The following HDAC1 variants were observed in gnomAD, a reference collection of about 807,000 sequenced individuals.
The protein encoded by HDAC1 is histone deacetylase 1.
A neutral mutation model predicts 65.5 loss-of-function variants in HDAC1; 18 were observed. The ratio of observed to expected loss-of-function variants is 0.27; its 90% confidence interval spans 0.19 to 0.41. The LOEUF (loss-of-function observed/expected upper bound fraction) is 0.41. Among genes scored for constraint, HDAC1 ranks in the 10% least tolerant of loss-of-function variants. The pLI is 1.00. For synonymous variants in HDAC1, 211 were observed against 227.9 expected (o/e 0.93, Z 0.67); for missense variants, 373 against 625.2 (o/e 0.60, Z 4.30).
intron 3 of HDAC1, among the ~76,000 whole-genome samples, chr1:32,317,243 T>C (rs568778538): frequency 6.6e-6 from 1 of 152,286 alleles, no homozygotes; most frequent in East Asian, 1.9e-4. Flanking sequence ...AGATTCTAGA[T>C]GGTGTAATCT....
chr1:32,315,693 G>T (rs948178477), intron 2 of HDAC1, among the ~76,000 whole-genome samples: 1 of 150,934 alleles, frequency 6.6e-6, no homozygotes, highest in Admixed American at 6.6e-5. Flanking sequence ...TAGGCCGGGC[G>T]CAGTGGCTCA....
At chr1:32,298,876 T>A (rs1382927596) in intron 1 of HDAC1, among the ~76,000 whole-genome samples, 2 of 152,068 alleles carry the variant, frequency 1.3e-5, no homozygotes, top group African/African-American at 4.8e-5. Flanking sequence ...CACATGTCTG[T>A]AATCCCAGCT....
At chr1:32,305,457 T>C (rs1307228770) in intron 2 of HDAC1, among the ~76,000 whole-genome samples, 1 of 152,200 alleles carries the variant, frequency 6.6e-6, no homozygotes, top group Non-Finnish European at 1.5e-5. Flanking sequence ...TTGCAGTTGC[T>C]CTGAGTCCTT....
intron 2 of HDAC1, among the ~76,000 whole-genome samples, chr1:32,306,352 T>C (rs779344149): frequency 8.5e-5 from 13 of 152,182 alleles, no homozygotes; most frequent in Non-Finnish European, 1.9e-4. Flanking sequence ...GAGATGGGGT[T>C]TCTCCACGTT....
At chr1:32,305,458 C>G (rs567933891) in intron 2 of HDAC1, among the ~76,000 whole-genome samples, 2 of 152,280 alleles carry the variant, frequency 1.3e-5, no homozygotes, top group South Asian at 2.1e-4. Flanking sequence ...TGCAGTTGCT[C>G]TGAGTCCTTG....
chr1:32,325,020 A>G (rs1641198904), intron 4 of HDAC1, among the ~76,000 whole-genome samples: 1 of 152,154 alleles, frequency 6.6e-6, no homozygotes, highest in Admixed American at 6.5e-5. Context: ...GTCCCAGCCC[A>G]GGTTCAATCT....
chr1:32,293,356 G>A (rs938868037), intron 1 of HDAC1, among the ~76,000 whole-genome samples: 1 of 151,582 alleles, frequency 6.6e-6, no homozygotes, highest in Non-Finnish European at 1.5e-5. Flanking sequence ...AATAGGGACC[G>A]GACCATGAAG....
intron 2 of HDAC1, among the ~76,000 whole-genome samples, chr1:32,310,426 C>G (rs1640974150): frequency 6.6e-6 from 1 of 152,080 alleles, no homozygotes; most frequent in African/African-American, 2.4e-5. Context: ...AGACTGATAA[C>G]TCTATAACAG....
Position 32,331,555 on chromosome 1 carries a change from A to G in HDAC1, c.1061A>G (p.Asn354Ser). The G allele has an allele frequency of 6.2e-7, 1 of 1,611,010 alleles. No homozygotes were observed. The change falls in exon 10 of 14, where the codon AAC becomes AGC. Residue 354 changes from asparagine to serine, a missense_variant. Coordinates refer to ENST00000373548, the MANE Select transcript of HDAC1 (RefSeq NM_004964.3). The surrounding 1 kb of genome is among the most constrained non-coding windows in gnomAD (Gnocchi z 4.2). ...HISPSNMTNQ[N>S]TNEYLEKIKQ... ...AGTCCTTCCAATATGACTAACCAGAACACGAATGAGTACCTGGAGAAGATC... is the reference window on the plus strand; with the variant it reads ...AGTCCTTCCAATATGACTAACCAGAGCACGAATGAGTACCTGGAGAAGATC...
At chr1:32,332,825 G>A (rs1380354465) in intron 13 of HDAC1, 76 bp downstream of exon 13, 23 of 1,353,200 alleles carry the variant, frequency 1.7e-5, no homozygotes, top group Non-Finnish European at 1.8e-5. Context: ...TCTGAGGAAA[G>A]GCACAGGGAC....
chr1:32,309,655 C>A (rs558699527), intron 2 of HDAC1, among the ~76,000 whole-genome samples: 1 of 149,184 alleles, frequency 6.7e-6, no homozygotes, highest in Non-Finnish European at 1.5e-5. Flanking sequence ...CCACTGTACT[C>A]CAGCCTGGGC....
intron 2 of HDAC1, among the ~76,000 whole-genome samples, chr1:32,305,927 A>G (rs1640904751): frequency 6.6e-6 from 1 of 151,992 alleles, no homozygotes; most frequent in Non-Finnish European, 1.5e-5. Context: ...TTTATATATT[A>G]AATGTCCATT....
chr1:32,292,359 G>A, intron 1 of HDAC1, 141 bp downstream of exon 1: 1 of 1,497,374 alleles, frequency 6.7e-7, no homozygotes, highest in Non-Finnish European at 8.9e-7. Context: ...CGAGGGGGAA[G>A]TCGAGGCTGA....
intron 3 of HDAC1, among the ~76,000 whole-genome samples, chr1:32,323,780 G>A (rs551962844): frequency 2.6e-4 from 39 of 152,324 alleles, no homozygotes; most frequent in African/African-American, 9.4e-4. Context: ...TTTAACGCAT[G>A]TAGCGCAGTG....
chr1:32,311,612 G>T (rs1640994012), intron 2 of HDAC1, among the ~76,000 whole-genome samples: 1 of 152,162 alleles, frequency 6.6e-6, no homozygotes, highest in African/African-American at 2.4e-5. Flanking sequence ...GAGAGAGATT[G>T]GCAATGGATT....
At position 32,297,777 on chromosome 1, in the gene HDAC1, A is replaced by ATTTT. The variant is rs71571709; in HGVS notation, c.50-4817_50-4814dup. Among the ~76,000 whole-genome samples, 63 of 72,144 alleles carry ATTTT rather than the reference A, an allele frequency of 8.7e-4. 7 individuals are homozygous for ATTTT. Among genetic ancestry groups the ATTTT allele is most frequent in the African/African-American group, 3.5e-3 (57 of 16,082 alleles). The allele number at this position is 72,144 out of a possible 152,430, so 47.3% of individuals were successfully genotyped here. On this transcript the variant is annotated intron_variant, in intron 1 of 13. Coordinates refer to ENST00000373548, the MANE Select transcript of HDAC1 (RefSeq NM_004964.3). ...AGGCGCATGACACTACGCCTGGCTA[A>ATTTT]TTTTTTTTTTTTTTTTTTTTTTTTT...
chr1:32,309,542 C>T (rs1266412394), intron 2 of HDAC1, among the ~76,000 whole-genome samples: 1 of 152,046 alleles, frequency 6.6e-6, no homozygotes, highest in Non-Finnish European at 1.5e-5. Context: ...CAAAAATTAG[C>T]TGGGCATGGT....
At chr1:32,306,450 G>C (rs993473303) in intron 2 of HDAC1, among the ~76,000 whole-genome samples, 1 of 151,990 alleles carries the variant, frequency 6.6e-6, no homozygotes, top group South Asian at 2.1e-4. Context: ...GAGCCATGGC[G>C]CCCGGCCTCT....
At chr1:32,317,490 A>T (rs1344041567) in intron 3 of HDAC1, among the ~76,000 whole-genome samples, 1 of 152,212 alleles carries the variant, frequency 6.6e-6, no homozygotes, top group Non-Finnish European at 1.5e-5. Flanking sequence ...GTCCAGAAGA[A>T]GTTTTGATTA....
Sources: allele counts gnomAD v4.1 joint callset (sites outside exome capture counted in the v4.1 genomes callset), GRCh38; gene constraint gnomAD v4.1.1; non-coding constraint Gnocchi (gnomAD v3.1); transcripts MANE v1.5; gene names NCBI Gene and HGNC (gene_info 2026-07-23, HGNC 2026-07-21).